Variants in TMEM26 observed in about 807,000 individuals in gnomAD.
The protein encoded by TMEM26 is transmembrane protein 26.
TMEM26 carries 38 observed loss-of-function variants against 28.8 expected under a neutral mutation model. The observed-to-expected ratio is 1.32, with a 90% CI of 1.02 to 1.73. TMEM26 has a LOEUF of 1.73. TMEM26 is among the 40% of genes most tolerant of loss of function. TMEM26 has a pLI of 0.00. For synonymous variants in TMEM26, 227 were observed against 182.9 expected (o/e 1.24, Z -1.95); for missense variants, 518 against 447.1 (o/e 1.16, Z -1.43).
rs1589022257 is a variant in TMEM26, at chr10:61,409,779, T to C, written c.*543A>G. On this transcript the variant is annotated 3_prime_UTR_variant, in exon 6 of 6. Coordinates refer to ENST00000399298, the MANE Select transcript of TMEM26 (RefSeq NM_178505.8). ...TTTCCTGGGAAGGCCTGGGCAGCGA[T>C]GAATAGGGCTCTCTATGATACGGAA... The C allele has an allele frequency of 2.6e-5, 4 of 153,946 alleles. No homozygotes were observed. In the Middle Eastern group the frequency reaches 0.01, roughly 393 times the overall value. 9.5% of individuals were successfully genotyped at this position (153,946 alleles called of 1,614,324 possible).
At chr10:61,428,152 G>A (rs1366456291) in intron 4 of TMEM26, among the ~76,000 whole-genome samples, 3 of 152,040 alleles carry the variant, frequency 2.0e-5, no homozygotes, top group African/African-American at 7.2e-5. Flanking sequence ...GTAAACTGTA[G>A]CATTAAAAGC....
intron 3 of TMEM26, 77 bp from the exon 4 acceptor site, chr10:61,429,223 C>A: frequency 8.0e-7 from 1 of 1,247,882 alleles, no homozygotes; most frequent in South Asian, 1.3e-5. Context: ...ACTGTGCTTT[C>A]AATCAAGAGT....
chr10:61,448,593 C>T (rs771219048), intron 1 of TMEM26, among the ~76,000 whole-genome samples: 8 of 150,398 alleles, frequency 5.3e-5, no homozygotes, highest in Non-Finnish European at 1.0e-4. Flanking sequence ...TTTAAAATGT[C>T]GACCGTGTTT....
At chr10:61,411,487 G>A (rs1014198715) in intron 5 of TMEM26, among the ~76,000 whole-genome samples, 4 of 152,190 alleles carry the variant, frequency 2.6e-5, no homozygotes, top group Non-Finnish European at 4.4e-5. Flanking sequence ...ACACTCAAGC[G>A]TGTGCGCAAA....
At position 61,410,672 on chromosome 10, in the gene TMEM26, C is replaced by T. The variant is rs759395883; in HGVS notation, c.757G>A (p.Asp253Asn). The T allele has an allele frequency of 5.6e-6, 9 of 1,614,114 alleles. No homozygotes were observed. The highest frequency in any genetic ancestry group is 1.1e-5 in the South Asian group (1 of 91,064). ...PSLFFCQYSADLWNIGISVFI... is the reference protein window; with the variant it reads ...PSLFFCQYSANLWNIGISVFI... ...ACGCTGATTCCGATGTTCCACAGAT[C>T]GGCACTGTACTGGCAAAAGAACAGG... Residue 253 changes from aspartate (D) to asparagine (N), a missense_variant, in exon 6 of 6, where the codon GAT (aspartate) becomes AAT (asparagine). Transcript: ENST00000399298.
intron 1 of TMEM26, among the ~76,000 whole-genome samples, chr10:61,446,033 T>C (rs7915758): frequency 0.2 from 29,738 of 152,138 alleles, 3,014 homozygotes; most frequent in Admixed American, 0.24. Flanking sequence ...GTAAACTTAA[T>C]TTTCAGTTCT....
At chr10:61,441,934 C>G (rs1840099497) in intron 1 of TMEM26, among the ~76,000 whole-genome samples, 1 of 152,060 alleles carries the variant, frequency 6.6e-6, no homozygotes, top group South Asian at 2.1e-4. Context: ...TTCCATAGCT[C>G]TTAGCCTACC....
chr10:61,416,032 G>A (rs1490965626), intron 4 of TMEM26: 3 of 442,072 alleles, frequency 6.8e-6, no homozygotes, highest in Non-Finnish European at 1.4e-5. Flanking sequence ...CACAATAGAG[G>A]AAAGTAGTTT....
At chr10:61,429,229 A>T (rs1839882953) in intron 3 of TMEM26, 83 bp from the exon 4 acceptor site, 1 of 1,204,648 alleles carries the variant, frequency 8.3e-7, no homozygotes, top group Non-Finnish European at 1.2e-6. Context: ...CTTTCAATCA[A>T]GAGTTTGCTT....
rs1190174038 is a variant in TMEM26, at chr10:61,410,389, T to C, written c.1040A>G (p.Lys347Arg). 2 of 1,613,990 alleles carry C rather than the reference T, an allele frequency of 1.2e-6. No homozygotes were observed. The highest frequency in any genetic ancestry group is 1.7e-5 in the Admixed American group (1 of 60,012). Residue 347 changes from lysine (K) to arginine (R), a missense_variant, in exon 6 of 6, where the codon AAG (lysine) becomes AGG (arginine). By Grantham distance (26) the Lys-to-Arg change is conservative. Coordinates refer to ENST00000399298, the MANE Select transcript of TMEM26 (RefSeq NM_178505.8). ...CCGCAAAGGAATAGCCAGGCCCTCC[T>C]TAGACTCGTTCTGCCAGTCCCGCTG... The part of the protein sequence containing the change: ...PSQRDWQNES[K>R]EGLAIPLRGS...
chr10:61,437,593 A>T (rs1840028726), intron 1 of TMEM26, among the ~76,000 whole-genome samples: 2 of 152,122 alleles, frequency 1.3e-5, no homozygotes, highest in South Asian at 4.1e-4. Flanking sequence ...AGACCAGCCT[A>T]ACCAACACGG....
chr10:61,428,847 A>G (rs983425757), intron 4 of TMEM26, 79 bp downstream of exon 4: 19 of 1,245,872 alleles, frequency 1.5e-5, no homozygotes, highest in African/African-American at 1.2e-4. Flanking sequence ...TTCATGTGAA[A>G]TACAAGTCAC....
chr10:61,442,922 G>A (rs922921763), intron 1 of TMEM26, among the ~76,000 whole-genome samples: 2 of 152,076 alleles, frequency 1.3e-5, no homozygotes, highest in Non-Finnish European at 2.9e-5. Flanking sequence ...ACTCCTCAAC[G>A]TGAACCCAAT....
intron 1 of TMEM26, among the ~76,000 whole-genome samples, chr10:61,437,729 G>A (rs1006794506): frequency 2.0e-5 from 3 of 152,072 alleles, no homozygotes; most frequent in Admixed American, 1.3e-4. Context: ...ATGTCGCAGC[G>A]AGCTGAGATC....
chr10:61,425,916 T>C (rs993235358), intron 4 of TMEM26, among the ~76,000 whole-genome samples: 1 of 152,076 alleles, frequency 6.6e-6, no homozygotes, highest in African/African-American at 2.4e-5. Context: ...ACTTAACATA[T>C]AACCAGCCAT....
At chr10:61,431,466 C>A in intron 2 of TMEM26, 134 bp from the exon 3 acceptor site, 1 of 560,226 alleles carries the variant, frequency 1.8e-6, no homozygotes, top group Non-Finnish European at 3.1e-6. Flanking sequence ...TAAACATTTC[C>A]AAAAATCGGA....
At chr10:61,431,053 T>A (rs147393861) in intron 3 of TMEM26, among the ~76,000 whole-genome samples, 166 bp downstream of exon 3, 68 of 152,172 alleles carry the variant, frequency 4.5e-4, no homozygotes, top group African/African-American at 1.5e-3. Context: ...GCATATTAAA[T>A]GTTTAATAAT....
At chr10:61,436,131 T>G (rs766401903) in intron 2 of TMEM26, 39 bp downstream of exon 2, 1 of 1,307,420 alleles carries the variant, frequency 7.6e-7, no homozygotes, top group South Asian at 1.3e-5. Flanking sequence ...AGTAGCTTAT[T>G]GCTGAATAGG....
chr10:61,416,493 A>G (rs768077775), intron 4 of TMEM26, among the ~76,000 whole-genome samples: 1 of 152,064 alleles, frequency 6.6e-6, no homozygotes, highest in Non-Finnish European at 1.5e-5. Context: ...TAATAATTTT[A>G]TTAAGTATAT....
Sources: gnomAD v4.1 joint callset for allele counts (sites outside exome capture counted in the v4.1 genomes callset) on GRCh38, gnomAD v4.1.1 for gene constraint, MANE v1.5 for transcripts, NCBI Gene and HGNC (gene_info 2026-07-23, HGNC 2026-07-21) for gene names.